Variants in MBP observed in about 807,000 individuals in gnomAD.
The protein encoded by MBP is Golli-MBP.
A neutral mutation model predicts 35.8 loss-of-function variants in MBP; 16 were observed. The observed-to-expected ratio is 0.45, with a 90% CI of 0.30 to 0.68. The LOEUF is 0.68. Among genes scored for constraint, MBP ranks in the 30% least tolerant of loss-of-function variants. The pLI is 0.08. For synonymous variants in MBP, 143 were observed against 159.6 expected (o/e 0.90, Z 0.78); for missense variants, 380 against 404.7 (o/e 0.94, Z 0.52).
At chr18:77,076,246 G>T (rs143804969) in intron 2 of MBP, among the ~76,000 whole-genome samples, 1 of 152,340 alleles carries the variant, frequency 6.6e-6, no homozygotes, top group Non-Finnish European at 1.5e-5. Context: ...AACACAGTGG[G>T]GTGGGTTTGG....
chr18:77,029,433 G>T (rs1293231860), intron 3 of MBP, among the ~76,000 whole-genome samples: 1 of 129,222 alleles, frequency 7.7e-6, no homozygotes, highest in East Asian at 2.6e-4. Context: ...GTGGGGAGAG[G>T]GAGAGGGAGG....
At chr18:77,096,204 A>G (rs760910164) in intron 2 of MBP, among the ~76,000 whole-genome samples, 3 of 152,252 alleles carry the variant, frequency 2.0e-5, no homozygotes, top group Non-Finnish European at 4.4e-5. Flanking sequence ...CATTTTTCCC[A>G]TCAAAGTGAA....
chr18:77,005,003 G>A (rs1375140055), intron 4 of MBP: 7 of 152,244 alleles, frequency 4.6e-5, no homozygotes, highest in Non-Finnish European at 7.3e-5. Context: ...CTCTTGGCAC[G>A]AAACCTTGTG....
intron 3 of MBP, among the ~76,000 whole-genome samples, chr18:77,060,922 C>T (rs997846272): frequency 6.6e-6 from 1 of 152,208 alleles, no homozygotes; most frequent in Admixed American, 6.5e-5. Flanking sequence ...AGTCTGTCTT[C>T]TCTTGAGGCT....
chr18:77,008,428 G>A (rs12967023), intron 4 of MBP, among the ~76,000 whole-genome samples: 34,581 of 152,078 alleles, frequency 0.23, 4,656 homozygotes, highest in Non-Finnish European at 0.31. Flanking sequence ...GAGAGCCCTC[G>A]AAAACCAAGT....
chr18:77,108,921 C>T (rs1976362757), intron 1 of MBP: 1 of 152,234 alleles, frequency 6.6e-6, no homozygotes, highest in African/African-American at 2.4e-5. Context: ...GGTCTCAATC[C>T]AGGTTCCATC....
chr18:77,123,510 G>A (rs1054897431), intron 1 of MBP, among the ~76,000 whole-genome samples: 10 of 152,330 alleles, frequency 6.6e-5, no homozygotes, highest in Non-Finnish European at 1.5e-4. Context: ...TGGAAACACC[G>A]AGGCACTCAC....
intron 3 of MBP, 137 bp downstream of exon 3, chr18:77,066,161 C>G: frequency 1.5e-6 from 1 of 659,778 alleles, no homozygotes; most frequent in Non-Finnish European, 2.7e-6. Flanking sequence ...TGATCCCAGC[C>G]TCTATGTTTT....
chr18:77,035,447 A>T (rs1972723936), intron 3 of MBP, among the ~76,000 whole-genome samples: 1 of 152,208 alleles, frequency 6.6e-6, no homozygotes, highest in Non-Finnish European at 1.5e-5. Context: ...CTCAGTTCAA[A>T]ATGTGCTTCA....
chr18:77,119,675 G>A (rs892728380), intron 1 of MBP, among the ~76,000 whole-genome samples: 4 of 152,164 alleles, frequency 2.6e-5, no homozygotes, highest in South Asian at 2.1e-4. Flanking sequence ...CCAGGGAGCC[G>A]AGAGCAGGAG....
intron 3 of MBP, among the ~76,000 whole-genome samples, chr18:77,060,444 TCTC>T (rs1380042854): frequency 2.4e-5 from 3 of 124,910 alleles, no homozygotes; most frequent in Non-Finnish European, 4.8e-5. Flanking sequence ...TTTCTCTCTC[TCTC>T]CTTTTTTTTT....
At chr18:77,054,770 C>T (rs1010254691) in intron 3 of MBP, among the ~76,000 whole-genome samples, 1 of 152,172 alleles carries the variant, frequency 6.6e-6, no homozygotes, top group Non-Finnish European at 1.5e-5. Flanking sequence ...ATCTCAAATT[C>T]CAATTCCTGT....
intron 2 of MBP, among the ~76,000 whole-genome samples, chr18:77,088,075 G>T (rs1975337594): frequency 6.6e-6 from 1 of 152,150 alleles, no homozygotes; most frequent in Admixed American, 6.5e-5. Context: ...CCTAAGGCCG[G>T]GTTCTCGCCC....
chr18:77,061,980 T>C (rs2008323), intron 3 of MBP, among the ~76,000 whole-genome samples: 71,748 of 152,072 alleles, frequency 0.47, 19,715 homozygotes, highest in African/African-American at 0.77. Flanking sequence ...GTGGACGCAG[T>C]GAACACAGAC....
At chr18:77,045,896 G>A (rs1973230770) in intron 3 of MBP, among the ~76,000 whole-genome samples, 1 of 152,290 alleles carries the variant, frequency 6.6e-6, no homozygotes, top group South Asian at 2.1e-4. Context: ...TCCTAGCACA[G>A]CCGCGAGGTG....
At chr18:77,084,194 A>G (rs772449448) in intron 2 of MBP, among the ~76,000 whole-genome samples, 5 of 152,066 alleles carry the variant, frequency 3.3e-5, no homozygotes, top group Non-Finnish European at 7.3e-5. Context: ...TCTTTGTGAG[A>G]TCATTTTGTA....
At chr18:77,035,740 T>C (rs1972741325) in intron 3 of MBP, among the ~76,000 whole-genome samples, 1 of 152,198 alleles carries the variant, frequency 6.6e-6, no homozygotes, top group Non-Finnish European at 1.5e-5. Context: ...CCTATGTTTC[T>C]GAGAAAAAAT....
chr18:77,094,386 G>T (rs552870930), intron 2 of MBP, among the ~76,000 whole-genome samples: 2 of 152,218 alleles, frequency 1.3e-5, no homozygotes, highest in Admixed American at 6.5e-5. Context: ...GCTTTGGGGG[G>T]TGCATCACAT....
intron 7 of MBP, chr18:76,986,613 G>A: frequency 3.0e-6 from 3 of 985,564 alleles, no homozygotes; most frequent in Non-Finnish European, 2.4e-6. Flanking sequence ...TGGCAAGAAG[G>A]TCTAAGCACT....
Sources: gnomAD v4.1 joint callset for allele counts (sites outside exome capture counted in the v4.1 genomes callset) on GRCh38, gnomAD v4.1.1 for gene constraint, MANE v1.5 for transcripts, NCBI Gene and HGNC (gene_info 2026-07-23, HGNC 2026-07-21) for gene names.